Variants in AFF2 observed in about 807,000 individuals in gnomAD.
AFF2 encodes ALF transcription elongation factor 2.
A neutral mutation model predicts 76.9 loss-of-function variants in AFF2; 14 were observed. That is an observed-to-expected ratio of 0.18 (90% CI 0.12 to 0.28). The LOEUF is 0.28. AFF2 is among the 10% of genes least tolerant of loss of function. The probability of loss-of-function intolerance (pLI) is 1.00; values close to 1 mark genes in which losing one functional copy is unlikely to be tolerated. For synonymous variants in AFF2, 398 were observed against 366.7 expected (o/e 1.09, Z -0.98); for missense variants, 868 against 1,001.1 (o/e 0.87, Z 1.79).
chrX:148,709,479 C>G lies in AFF2; in HGVS notation c.1041+46711C>G, dbSNP rs530714895. ...AAACACAATATGTTATTTGTCACCT[C>G]TGCAAAATTATAATCGTACCTATCT... On this transcript the variant is annotated intron_variant, in intron 3 of 20. Coordinates refer to ENST00000370460, the MANE Select transcript of AFF2 (RefSeq NM_002025.4). Among the ~76,000 whole-genome samples, 77 of 112,140 alleles carry G rather than the reference C, an allele frequency of 6.9e-4. 1 individual carries two copies. In the South Asian group the frequency reaches 0.027, roughly 40 times the overall value.
intron 1 of AFF2, among the ~76,000 whole-genome samples, chrX:148,517,030 T>G (rs1231625327): frequency 8.9e-6 from 1 of 112,104 alleles, no homozygotes; most frequent in African/African-American, 3.2e-5. Flanking sequence ...AAGAGAGGAA[T>G]AGGCATTCAT....
intron 4 of AFF2, among the ~76,000 whole-genome samples, chrX:148,832,579 T>C (rs2070467369): frequency 8.9e-6 from 1 of 112,132 alleles, no homozygotes; most frequent in African/African-American, 3.2e-5. Flanking sequence ...GCCATACCTG[T>C]GGGGCTGGTA....
At chrX:148,790,634 A>G (rs1557269864) in intron 3 of AFF2, among the ~76,000 whole-genome samples, 1 of 109,452 alleles carries the variant, frequency 9.1e-6, no homozygotes, top group Admixed American at 9.8e-5. Flanking sequence ...TGGGAGCTGA[A>G]CAATGAGAAC....
intron 3 of AFF2, among the ~76,000 whole-genome samples, chrX:148,742,310 C>T (rs1432145585): frequency 8.9e-6 from 1 of 112,142 alleles, no homozygotes; most frequent in Non-Finnish European, 1.9e-5. Flanking sequence ...CATATTTCTG[C>T]GAAGAAATCT....
At chrX:148,559,308 A>G (rs150487099) in intron 1 of AFF2, among the ~76,000 whole-genome samples, 3 of 111,694 alleles carry the variant, frequency 2.7e-5, no homozygotes, top group East Asian at 2.8e-4. Context: ...TCTGGGATAC[A>G]TGTGGAGAAC....
chrX:148,854,919 T>C (rs2070770554), intron 7 of AFF2, among the ~76,000 whole-genome samples: 1 of 111,554 alleles, frequency 9.0e-6, no homozygotes, highest in Non-Finnish European at 1.9e-5. Context: ...GACATTCTTA[T>C]AAAAGGATTT....
chrX:148,876,488 G>T (rs964276919), intron 7 of AFF2, among the ~76,000 whole-genome samples: 1 of 111,897 alleles, frequency 8.9e-6, no homozygotes, highest in African/African-American at 3.2e-5. Flanking sequence ...TACATGATGA[G>T]CTCTGGCTAG....
chrX:148,551,482 G>GAAAAAAAAAAAAAAAAAAAAA (rs781883999), intron 1 of AFF2, among the ~76,000 whole-genome samples: 1 of 37,999 alleles, frequency 2.6e-5, no homozygotes, highest in African/African-American at 9.5e-5. Context: ...GCTGGGAAGT[G>GAAAAAAAAAAAAAAAAAAAAA]AAAAAAAAAA....
At chrX:148,581,805 A>T (rs1557245158) in intron 1 of AFF2, among the ~76,000 whole-genome samples, 1 of 112,427 alleles carries the variant, frequency 8.9e-6, no homozygotes, top group East Asian at 2.8e-4. Flanking sequence ...ACATAAGCAC[A>T]GCATATTGAT....
At chrX:148,723,125 A>C (rs1216122505) in intron 3 of AFF2, among the ~76,000 whole-genome samples, 1 of 111,804 alleles carries the variant, frequency 8.9e-6, no homozygotes, top group Non-Finnish European at 1.9e-5. Flanking sequence ...CCTATGGCTC[A>C]TGTCTCTCTG....
At chrX:148,866,488 A>C (rs1324171851) in intron 7 of AFF2, among the ~76,000 whole-genome samples, 1 of 112,681 alleles carries the variant, frequency 8.9e-6, no homozygotes, top group African/African-American at 3.2e-5. Flanking sequence ...TGTGCAATAC[A>C]TCTTTTCAAT....
rs782509877 is a variant in AFF2, at chrX:148,662,800, A to C, written c.1041+32A>C. 8 of 1,177,787 alleles carry C rather than the reference A, an allele frequency of 6.8e-6. No homozygotes were observed. In the African/African-American group the frequency reaches 1.4e-4, roughly 21 times the overall value. ...AATTTTTAAAGTTTTGTTTGGTTTCACTTTTTTTTAGTTCTCTGCTCTAAC... is the reference window on the plus strand; with the variant it reads ...AATTTTTAAAGTTTTGTTTGGTTTCCCTTTTTTTTAGTTCTCTGCTCTAAC... On this transcript the variant is annotated intron_variant, in intron 3 of 20. Coordinates refer to ENST00000370460, the MANE Select transcript of AFF2 (RefSeq NM_002025.4).
chrX:148,567,439 C>T (rs1340015770), intron 1 of AFF2, among the ~76,000 whole-genome samples: 4 of 111,812 alleles, frequency 3.6e-5, no homozygotes, highest in Admixed American at 9.5e-5. Context: ...ATCAAGGCTG[C>T]AGCTCGCATT....
chrX:148,806,069 T>A (rs1702891877), intron 3 of AFF2, among the ~76,000 whole-genome samples: 1 of 112,723 alleles, frequency 8.9e-6, no homozygotes. Context: ...CCTCGGGAAT[T>A]AAGCAGCAGC....
At position 148,960,259 on chromosome X, in the gene AFF2, G is replaced by A. The variant is rs112575554; in HGVS notation, c.2690+1801G>A. On this transcript the variant is annotated intron_variant, in intron 12 of 20. Transcript: ENST00000370460. ...CAGGTGGTGAGCTTCTCTGTGTTAC[G>A]TCTTCATGGCTATGATTATATAAGA... Among the ~76,000 whole-genome samples, 1,065 of 112,334 alleles carry A rather than the reference G, an allele frequency of 9.5e-3. 15 individuals carry two copies. Among genetic ancestry groups the A allele is most frequent in the African/African-American group, 0.033 (1,024 of 30,913 alleles).
intron 3 of AFF2, among the ~76,000 whole-genome samples, chrX:148,740,724 G>C (rs1423760523): frequency 8.9e-6 from 1 of 111,849 alleles, no homozygotes; most frequent in Non-Finnish European, 1.9e-5. Flanking sequence ...GAAGATCCTT[G>C]TTTTGTCACA....
intron 1 of AFF2, among the ~76,000 whole-genome samples, chrX:148,635,529 C>T (rs1397354588): frequency 5.4e-5 from 6 of 111,852 alleles, no homozygotes; most frequent in African/African-American, 1.9e-4. Context: ...TAATTTGTTA[C>T]TATGAAACTG....
At chrX:148,685,649 T>A (rs943245095) in intron 3 of AFF2, among the ~76,000 whole-genome samples, 1 of 111,432 alleles carries the variant, frequency 9.0e-6, no homozygotes, top group Non-Finnish European at 1.9e-5. Flanking sequence ...GAAATACTAT[T>A]GTAGATAGGA....
rs182660223 is a variant in AFF2 at position 148,998,467 on chromosome X, A to T, written c.*7135A>T. Reference sequence around the variant, plus strand: ...CATGCTGTATTATGAAATCGTGATAATATAACTGCATTATTACATGGCAGT... The same window carrying T: ...CATGCTGTATTATGAAATCGTGATATTATAACTGCATTATTACATGGCAGT... On this transcript the variant is annotated 3_prime_UTR_variant, in exon 21 of 21. Transcript: ENST00000370460. The T allele has an allele frequency of 1.8e-5, 2 of 112,992 alleles. No homozygotes were observed. The highest frequency in any genetic ancestry group is 6.4e-5 in the African/African-American group (2 of 31,085). 9.3% of individuals were successfully genotyped at this position (112,992 alleles called of 1,213,427 possible).
Sources: allele counts gnomAD v4.1 joint callset (sites outside exome capture counted in the v4.1 genomes callset), GRCh38; gene constraint gnomAD v4.1.1; transcripts MANE v1.5; gene names NCBI Gene and HGNC (gene_info 2026-07-23, HGNC 2026-07-21).